The following SNCAIP variants were observed in gnomAD, a reference collection of about 807,000 sequenced individuals.
The protein encoded by SNCAIP is synuclein alpha interacting protein.
Under a neutral mutation model 86.7 loss-of-function variants are expected in SNCAIP, and 43 were observed. That is an observed-to-expected ratio of 0.50 (90% CI 0.39 to 0.64). SNCAIP has a LOEUF of 0.64. SNCAIP is among the 30% of genes least tolerant of loss of function. The pLI is 0.00. For synonymous variants in SNCAIP, 417 were observed against 427.2 expected (o/e 0.98, Z 0.29); for missense variants, 981 against 1,103.1 (o/e 0.89, Z 1.57).
chr5:122,356,095 C>CTTTT (rs757246404), intron 1 of SNCAIP, among the ~76,000 whole-genome samples: 5 of 102,766 alleles, frequency 4.9e-5, no homozygotes, highest in Non-Finnish European at 7.9e-5. Context: ...GTTAGCCTTT[C>CTTTT]TTTTTTTTTT....
intron 8 of SNCAIP, among the ~76,000 whole-genome samples, chr5:122,445,928 C>G (rs765903305): frequency 3.3e-5 from 5 of 151,846 alleles, no homozygotes; most frequent in Non-Finnish European, 4.4e-5. Context: ...TACCCCTCCC[C>G]CTGTCAATAC....
intron 1 of SNCAIP, among the ~76,000 whole-genome samples, chr5:122,346,914 G>A (rs541038526): frequency 2.0e-4 from 30 of 151,820 alleles, no homozygotes; most frequent in Non-Finnish European, 4.0e-4. Context: ...AAACTGTGAC[G>A]TTCTAAGAGA....
intron 1 of SNCAIP, among the ~76,000 whole-genome samples, chr5:122,361,284 C>T (rs1262301669): frequency 6.6e-6 from 1 of 151,870 alleles, no homozygotes; most frequent in African/African-American, 2.4e-5. Flanking sequence ...ACACCTCCAT[C>T]TTTGCTGATA....
intron 1 of SNCAIP, chr5:122,371,518 A>AGGTT: frequency 6.6e-6 from 1 of 152,106 alleles, no homozygotes; most frequent in South Asian, 2.1e-4. Context: ...GAGAAGACAA[A>AGGTT]TTGCCATTCA....
In SNCAIP at chr5:122,440,680, T is replaced by C. The variant is rs1412734228; in HGVS notation, c.1348T>C (p.Leu450=). Residue 450 remains leucine (L), a synonymous_variant, in exon 7 of 11, where the codon TTG becomes CTG. Coordinates refer to ENST00000261368, the MANE Select transcript of SNCAIP (RefSeq NM_005460.4). ...LQFMQEQGIS[L]DEVDQDGNSA... ...GTTTATGCAAGAACAGGGCATCTCG[T>C]TGGATGAAGTAGACCAGGATGGCAA... 3 of 1,613,984 alleles carry C rather than the reference T, an allele frequency of 1.9e-6. No individual in the cohort carries two copies. Among genetic ancestry groups the C allele is most frequent in the South Asian group, 1.1e-5 (1 of 91,082 alleles).
At chr5:122,326,531 T>A (rs1754083285) in intron 1 of SNCAIP, among the ~76,000 whole-genome samples, 3 of 151,602 alleles carry the variant, frequency 2.0e-5, no homozygotes, top group Admixed American at 2.0e-4. Flanking sequence ...CATGAGTGTA[T>A]CTTTCACTGC....
intron 1 of SNCAIP, among the ~76,000 whole-genome samples, chr5:122,340,227 T>C (rs556121802): frequency 2.0e-4 from 30 of 152,280 alleles, no homozygotes; most frequent in Admixed American, 1.1e-3. Flanking sequence ...CTGGAGAACA[T>C]GGGAATTCTG....
chr5:122,401,137 G>A (rs904167667), intron 2 of SNCAIP: 21 of 1,547,690 alleles, frequency 1.4e-5, no homozygotes, highest in South Asian at 1.1e-4. Context: ...GTATGTTGGC[G>A]AACTGACAGT....
At chr5:122,420,258 C>T (rs562933180) in intron 3 of SNCAIP, among the ~76,000 whole-genome samples, 8 of 152,248 alleles carry the variant, frequency 5.3e-5, no homozygotes, top group East Asian at 1.9e-4. Context: ...TTCCATAGAG[C>T]GTTTTTAATG....
chr5:122,440,632 A>G lies in SNCAIP; in HGVS notation c.1300A>G (p.Lys434Glu). 6.2e-7 allele frequency: 1 copy of G among 1,613,798 alleles called. No homozygotes were observed. The highest frequency in any genetic ancestry group is 8.5e-7 in the Non-Finnish European group (1 of 1,179,704). ...CCAACTGTCTTTGTGTTTATAGGAA[A>G]AGATTCTTCTGTGGCTTCTTCAGTT... The part of the protein sequence containing the change: ...IHYAGCYGQE[K>E]ILLWLLQFMQ... Residue 434 changes from lysine (K) to glutamate (E), a missense_variant, in exon 7 of 11, where the codon AAG becomes GAG. Coordinates refer to ENST00000261368, the MANE Select transcript of SNCAIP (RefSeq NM_005460.4).
At chr5:122,360,491 A>G (rs1235767406) in intron 1 of SNCAIP, among the ~76,000 whole-genome samples, 2 of 152,220 alleles carry the variant, frequency 1.3e-5, no homozygotes, top group African/African-American at 2.4e-5. Flanking sequence ...TCATCAGCTT[A>G]AGATGGAATG....
chr5:122,325,253 T>TG (rs1220321188), intron 1 of SNCAIP, among the ~76,000 whole-genome samples: 1 of 152,148 alleles, frequency 6.6e-6, no homozygotes, highest in Non-Finnish European at 1.5e-5. Flanking sequence ...CAGGCTCCCT[T>TG]GTTCTCTGGC....
chr5:122,438,248 G>T (rs1779981255), intron 6 of SNCAIP, among the ~76,000 whole-genome samples: 1 of 152,154 alleles, frequency 6.6e-6, no homozygotes. Flanking sequence ...TGTGGAGTTT[G>T]CTCATTCTCC....
At chr5:122,443,454 T>C (rs1660430296) in intron 7 of SNCAIP, 1 of 325,836 alleles carries the variant, frequency 3.1e-6, no homozygotes, top group Admixed American at 3.7e-5. Flanking sequence ...CCACAACTAA[T>C]GATACCTTGG....
rs142939927 is a variant in SNCAIP at position 122,427,028 on chromosome 5, T to A, written c.1182+1497T>A. ...GCCCTGTGACAGAGTTCTGTAGACA[T>A]CAATGAGCATGTGTCAGTGATAAAT... On this transcript the variant is annotated intron_variant, in intron 5 of 10. Transcript: ENST00000261368. Among the ~76,000 whole-genome samples the A allele has an allele frequency of 1.4e-4, 22 of 152,320 alleles. No homozygotes were observed. The East Asian group carries it at 4.1e-3, about 28-fold the overall frequency.
chr5:122,318,697 A>G (rs1481364524), intron 1 of SNCAIP, among the ~76,000 whole-genome samples: 3 of 152,136 alleles, frequency 2.0e-5, no homozygotes, highest in Non-Finnish European at 4.4e-5. Flanking sequence ...CAGTTTTCTC[A>G]ATGGTTTATA....
chr5:122,362,526 G>A (rs1180664892), intron 1 of SNCAIP, among the ~76,000 whole-genome samples: 2 of 152,174 alleles, frequency 1.3e-5, no homozygotes, highest in Non-Finnish European at 2.9e-5. Context: ...TTGACGTGAA[G>A]AGAATTGTAG....
At chr5:122,452,882 C>T in intron 10 of SNCAIP, 1 of 1,254,260 alleles carries the variant, frequency 8.0e-7, no homozygotes, top group Non-Finnish European at 1.1e-6. Flanking sequence ...ATGTGCTGAG[C>T]TTGTTGCATG....
chr5:122,400,179 G>A (rs1010001638), intron 2 of SNCAIP, among the ~76,000 whole-genome samples: 1 of 151,928 alleles, frequency 6.6e-6, no homozygotes, highest in African/African-American at 2.4e-5. Flanking sequence ...ATTTGTTATT[G>A]CCACAATCAG....
Sources: allele counts gnomAD v4.1 joint callset (sites outside exome capture counted in the v4.1 genomes callset), GRCh38; gene constraint gnomAD v4.1.1; transcripts MANE v1.5; gene names NCBI Gene and HGNC (gene_info 2026-07-23, HGNC 2026-07-21).